The following GRM5 variants were observed in gnomAD, a reference collection of about 807,000 sequenced individuals.
GRM5 encodes the protein metabotropic glutamate receptor 5.
Under a neutral mutation model 83.1 loss-of-function variants are expected in GRM5, and 19 were observed. The ratio of observed to expected loss-of-function variants is 0.23; its 90% CI spans 0.16 to 0.34. The LOEUF (loss-of-function observed/expected upper bound fraction) is 0.34. GRM5 is among the 10% of genes least tolerant of loss of function. GRM5 has a pLI of 1.00. For synonymous variants in GRM5, 675 were observed against 633.6 expected, an observed-to-expected ratio of 1.07 and a Z score of -0.98; for missense variants, 1,160 against 1,588.3, an observed-to-expected ratio of 0.73 and a Z score of 4.58.
At chr11:88,578,045 C>T (rs1943149094) in intron 7 of GRM5, among the ~76,000 whole-genome samples, 1 of 151,956 alleles carries the variant, frequency 6.6e-6, no homozygotes, top group South Asian at 2.1e-4. Context: ...TGCTAAAGTG[C>T]CTGTTTTATT....
In GRM5 at chr11:88,509,207, C is replaced by T; in HGVS notation, c.3024G>A (p.Glu1008=). Residue 1008 remains glutamate (E), a synonymous_variant, in exon 10 of 10, where the codon GAG becomes GAA. Transcript: ENST00000305447. ...GCGGCCGCGCGGGCGCCGGGAAGTG[C>T]TCCTCAGCCTCGGCCACATCATACA... ...KALYDVAEAE[E]HFPAPARPRS... 1 of 1,534,066 alleles carries T rather than the reference C, an allele frequency of 6.5e-7. No homozygotes were observed. Among genetic ancestry groups the T allele is most frequent in the Non-Finnish European group, 8.8e-7 (1 of 1,142,618 alleles).
intron 3 of GRM5, among the ~76,000 whole-genome samples, chr11:88,748,826 A>C (rs945699982): frequency 6.6e-6 from 1 of 152,116 alleles, no homozygotes; most frequent in Admixed American, 6.5e-5. Flanking sequence ...TCTGGAGTGG[A>C]CCCCCAGCAA....
intron 9 of GRM5, among the ~76,000 whole-genome samples, chr11:88,516,076 A>G (rs971914294): frequency 3.9e-5 from 6 of 152,246 alleles, no homozygotes; most frequent in African/African-American, 1.2e-4. Flanking sequence ...CACTAAACCT[A>G]GAGCATTGCA....
At chr11:88,745,201 T>C (rs1258946450) in intron 3 of GRM5, among the ~76,000 whole-genome samples, 268 of 143,970 alleles carry the variant, frequency 1.9e-3, no homozygotes, top group African/African-American at 7.3e-3. Context: ...TATTTTTCTT[T>C]TTTTTTTTTT....
At chr11:88,830,607 TCCATATCCCCA>T (rs149105666) in intron 3 of GRM5, among the ~76,000 whole-genome samples, 3,864 of 151,986 alleles carry the variant, frequency 0.025, 170 homozygotes, top group African/African-American at 0.089. Context: ...CCCCTAATGG[TCCATATCCCCA>T]CCACGGATTC....
chr11:89,038,617 A>G (rs367706368), intron 2 of GRM5, among the ~76,000 whole-genome samples: 2 of 152,198 alleles, frequency 1.3e-5, no homozygotes, highest in Non-Finnish European at 2.9e-5. Flanking sequence ...TCTTTTCACT[A>G]TAATTAACCC....
intron 3 of GRM5, among the ~76,000 whole-genome samples, chr11:88,702,009 C>T (rs1206310106): frequency 6.6e-6 from 1 of 151,930 alleles, no homozygotes; most frequent in African/African-American, 2.4e-5. Context: ...GTCTAAAGTC[C>T]AAAAAGGAAG....
At chr11:88,734,393 G>A (rs1300364688) in intron 3 of GRM5, among the ~76,000 whole-genome samples, 2 of 151,888 alleles carry the variant, frequency 1.3e-5, no homozygotes, top group South Asian at 2.1e-4. Flanking sequence ...ATGTAAAATG[G>A]TACAGTAGCT....
At chr11:88,695,787 T>C (rs997151473) in intron 3 of GRM5, among the ~76,000 whole-genome samples, 2 of 152,148 alleles carry the variant, frequency 1.3e-5, no homozygotes, top group African/African-American at 4.8e-5. Flanking sequence ...GCTCGCTTCT[T>C]CCATGCTCTG....
intron 4 of GRM5, among the ~76,000 whole-genome samples, chr11:88,636,898 T>C (rs991531561): frequency 9.9e-5 from 15 of 152,156 alleles, no homozygotes; most frequent in Admixed American, 1.3e-4. Flanking sequence ...TCTGTTCTGT[T>C]CCATTGATCT....
chr11:88,561,758 A>C (rs1942760078), intron 8 of GRM5, among the ~76,000 whole-genome samples: 1 of 152,156 alleles, frequency 6.6e-6, no homozygotes. Context: ...CATATAAAAA[A>C]ATCTGTAGTG....
At chr11:89,029,483 G>A (rs1941210075) in intron 2 of GRM5, among the ~76,000 whole-genome samples, 1 of 152,102 alleles carries the variant, frequency 6.6e-6, no homozygotes, top group South Asian at 2.1e-4. Context: ...TAATTTGATA[G>A]CAGGACATAT....
At chr11:88,964,454 A>G (rs1191320422) in intron 2 of GRM5, among the ~76,000 whole-genome samples, 3 of 152,126 alleles carry the variant, frequency 2.0e-5, no homozygotes, top group Non-Finnish European at 2.9e-5. Context: ...GAACTAGAAC[A>G]TGCACATTTT....
chr11:88,607,360 A>T (rs1938183197), intron 4 of GRM5, among the ~76,000 whole-genome samples: 1 of 152,066 alleles, frequency 6.6e-6, no homozygotes, highest in South Asian at 2.1e-4. Context: ...TTATCTTCAA[A>T]ATTTATCTGG....
intron 3 of GRM5, among the ~76,000 whole-genome samples, chr11:88,724,026 G>A (rs1941612765): frequency 6.6e-6 from 1 of 152,072 alleles, no homozygotes; most frequent in Non-Finnish European, 1.5e-5. Context: ...TTTTAAAAAT[G>A]AAAATCCAAA....
intron 3 of GRM5, among the ~76,000 whole-genome samples, chr11:88,687,511 CACACACACACACACATACATATATAT>C (rs1940659609): frequency 2.4e-5 from 1 of 42,390 alleles, no homozygotes; most frequent in African/African-American, 7.7e-5. Flanking sequence ...TACACACACA[CACACACACACACACATACATATATAT>C]ACACACACAC....
At chr11:88,641,065 T>C (rs1591402938) in intron 4 of GRM5, among the ~76,000 whole-genome samples, 1 of 152,118 alleles carries the variant, frequency 6.6e-6, no homozygotes, top group East Asian at 1.9e-4. Flanking sequence ...CTGCAGGCTG[T>C]ACAGGAAGTA....
chr11:89,012,786 A>C (rs1344147152), intron 2 of GRM5, among the ~76,000 whole-genome samples: 1 of 152,208 alleles, frequency 6.6e-6, no homozygotes, highest in East Asian at 1.9e-4. Flanking sequence ...CAAATCGTCA[A>C]AGAGCAAGAA....
chr11:88,742,138 T>TA (rs1591481275), intron 3 of GRM5, among the ~76,000 whole-genome samples: 1 of 152,050 alleles, frequency 6.6e-6, no homozygotes, highest in Admixed American at 6.6e-5. Context: ...CCTTTCCTAA[T>TA]AATAGGGATT....
Sources: allele counts gnomAD v4.1 joint callset (sites outside exome capture counted in the v4.1 genomes callset), GRCh38; gene constraint gnomAD v4.1.1; transcripts MANE v1.5; gene names NCBI Gene and HGNC (gene_info 2026-07-23, HGNC 2026-07-21).